SORCS3: variants seen among roughly 807,000 people sequenced by gnomAD.
SORCS3 encodes the protein VPS10 domain-containing receptor SorCS3.
A neutral mutation model predicts 146.3 loss-of-function variants in SORCS3; 57 were observed. The observed-to-expected ratio is 0.39, with a 90% confidence interval of 0.31 to 0.49. The LOEUF is 0.49. Among genes scored for constraint, SORCS3 ranks in the 20% least tolerant of loss-of-function variants. The pLI is 0.92. For synonymous variants in SORCS3, 653 were observed against 618.5 expected, an observed-to-expected ratio of 1.06 and a Z score of -0.83; for missense variants, 1,341 against 1,575.5, an observed-to-expected ratio of 0.85 and a Z score of 2.52.
At chr10:105,214,660 A>G in intron 18 of SORCS3, 47 bp downstream of exon 18, 4 of 1,487,778 alleles carry the variant, frequency 2.7e-6, no homozygotes, top group Non-Finnish European at 3.6e-6. Context: ...CAACCAGACC[A>G]TTCCCAGAAG....
chr10:104,836,752 T>G (rs2018072996), intron 1 of SORCS3, among the ~76,000 whole-genome samples: 1 of 152,138 alleles, frequency 6.6e-6, no homozygotes, highest in Admixed American at 6.5e-5. Context: ...AGCCTTGCCG[T>G]GTCTCTGAGT....
At chr10:105,136,836 T>A (rs992308648) in intron 7 of SORCS3, among the ~76,000 whole-genome samples, 2 of 152,198 alleles carry the variant, frequency 1.3e-5, no homozygotes, top group Non-Finnish European at 2.9e-5. Context: ...GGCCTTCATA[T>A]AGCCCCTTTA....
At chr10:104,883,055 C>T (rs893466202) in intron 2 of SORCS3, among the ~76,000 whole-genome samples, 14 of 152,182 alleles carry the variant, frequency 9.2e-5, no homozygotes, top group Admixed American at 2.6e-4. Flanking sequence ...TCTCAACAGA[C>T]GGAGTAGGAG....
chr10:104,741,547 C>T (rs1428747403), intron 1 of SORCS3, among the ~76,000 whole-genome samples: 1 of 150,532 alleles, frequency 6.6e-6, no homozygotes, highest in African/African-American at 2.4e-5. Context: ...TTCTCTCCTT[C>T]TGGAAATCCT....
At chr10:104,669,984 A>T (rs909918541) in intron 1 of SORCS3, among the ~76,000 whole-genome samples, 5 of 152,024 alleles carry the variant, frequency 3.3e-5, no homozygotes, top group African/African-American at 1.2e-4. Context: ...GTGATATTGA[A>T]CATCTTTTCA....
intron 1 of SORCS3, among the ~76,000 whole-genome samples, chr10:104,778,161 A>G (rs1309216396): frequency 6.6e-6 from 1 of 152,216 alleles, no homozygotes; most frequent in African/African-American, 2.4e-5. Context: ...TAGACGATGG[A>G]TATCCCAATT....
chr10:104,952,920 G>T (rs2019448331), intron 3 of SORCS3, among the ~76,000 whole-genome samples: 1 of 152,184 alleles, frequency 6.6e-6, no homozygotes, highest in Non-Finnish European at 1.5e-5. Flanking sequence ...GCAGCTCATT[G>T]CTCCACAGTT....
intron 4 of SORCS3, among the ~76,000 whole-genome samples, chr10:105,020,970 T>G (rs1272949248): frequency 6.6e-6 from 1 of 152,196 alleles, no homozygotes; most frequent in Non-Finnish European, 1.5e-5. Flanking sequence ...ACCCTCTTCT[T>G]GGAGATCATA....
At chr10:104,699,900 G>A (rs2016259911) in intron 1 of SORCS3, among the ~76,000 whole-genome samples, 1 of 152,190 alleles carries the variant, frequency 6.6e-6, no homozygotes, top group African/African-American at 2.4e-5. Flanking sequence ...TGCAATGTGA[G>A]CTTTGTTCTA....
chr10:104,904,018 T>G (rs2133591980), intron 2 of SORCS3, among the ~76,000 whole-genome samples: 1 of 152,330 alleles, frequency 6.6e-6, no homozygotes, highest in South Asian at 2.1e-4. Context: ...TGAGTCAATA[T>G]TGTAAATTTT....
intron 1 of SORCS3, among the ~76,000 whole-genome samples, chr10:104,708,676 A>G (rs1052399396): frequency 2.6e-5 from 4 of 151,914 alleles, no homozygotes; most frequent in Admixed American, 6.6e-5. Context: ...GGCTGGCCAC[A>G]TTTCTTCCCC....
intron 4 of SORCS3, among the ~76,000 whole-genome samples, chr10:104,984,809 G>A (rs1256496819): frequency 2.0e-5 from 3 of 152,042 alleles, no homozygotes; most frequent in Admixed American, 2.0e-4. Flanking sequence ...GCGTATAAAA[G>A]TTATTTTTAT....
chr10:104,822,902 T>C (rs780234405), intron 1 of SORCS3, among the ~76,000 whole-genome samples: 1 of 152,172 alleles, frequency 6.6e-6, no homozygotes, highest in Non-Finnish European at 1.5e-5. Flanking sequence ...TGGCTCTTTA[T>C]CTCTTATATC....
chr10:104,773,627 A>T (rs1196967817), intron 1 of SORCS3, among the ~76,000 whole-genome samples: 3 of 152,230 alleles, frequency 2.0e-5, no homozygotes. Context: ...CAGAATAGGG[A>T]GGCAGACACT....
At chr10:105,112,195 T>C (rs1449817045) in intron 7 of SORCS3, among the ~76,000 whole-genome samples, 1 of 152,154 alleles carries the variant, frequency 6.6e-6, no homozygotes, top group Admixed American at 6.5e-5. Flanking sequence ...TTGGCTGCTT[T>C]CTTATATTCT....
At chr10:105,102,876 G>T (rs1475508121) in intron 6 of SORCS3, among the ~76,000 whole-genome samples, 5 of 134,022 alleles carry the variant, frequency 3.7e-5, no homozygotes, top group Admixed American at 9.2e-5. Flanking sequence ...TGCAACCTCT[G>T]ACTCCCTGGT....
intron 7 of SORCS3, among the ~76,000 whole-genome samples, chr10:105,131,428 T>C (rs1415017348): frequency 6.6e-6 from 1 of 152,176 alleles, no homozygotes; most frequent in Non-Finnish European, 1.5e-5. Flanking sequence ...TCATTTCTTA[T>C]TAATACGACA....
At chr10:105,197,305 C>G (rs757775403) in intron 14 of SORCS3, among the ~76,000 whole-genome samples, 1 of 152,122 alleles carries the variant, frequency 6.6e-6, no homozygotes. Context: ...ACTATGAACC[C>G]CTTTGAATAA....
intron 1 of SORCS3, among the ~76,000 whole-genome samples, chr10:104,801,103 G>A (rs2017618902): frequency 6.6e-6 from 1 of 152,166 alleles, no homozygotes; most frequent in Non-Finnish European, 1.5e-5. Flanking sequence ...ATGGTAAGGG[G>A]CACAGTCAGA....
Sources: gnomAD v4.1 joint callset for allele counts (sites outside exome capture counted in the v4.1 genomes callset) on GRCh38, gnomAD v4.1.1 for gene constraint, MANE v1.5 for transcripts, NCBI Gene and HGNC (gene_info 2026-07-23, HGNC 2026-07-21) for gene names.